The following L3MBTL4 variants were observed in gnomAD, a reference collection of about 807,000 sequenced individuals.
L3MBTL4 encodes lethal(3)malignant brain tumor-like protein 4.
A neutral mutation model predicts 84.5 loss-of-function variants in L3MBTL4; 70 were observed. That is an observed-to-expected ratio of 0.83 (90% CI 0.68 to 1.01). The LOEUF (loss-of-function observed/expected upper bound fraction) is 1.01, where lower values mean the gene tolerates loss of function less well. Ranked by LOEUF, L3MBTL4 falls within the 50% of genes least tolerant of loss-of-function variation. The pLI, the probability that L3MBTL4 is intolerant of heterozygous loss-of-function variation, is 0.00. For synonymous variants in L3MBTL4, 274 were observed against 259.8 expected (o/e 1.05, Z -0.52); for missense variants, 715 against 754.8 (o/e 0.95, Z 0.62).
chr18:6,283,274 C>T (rs1185725193), intron 4 of L3MBTL4, among the ~76,000 whole-genome samples: 1 of 152,200 alleles, frequency 6.6e-6, no homozygotes, highest in African/African-American at 2.4e-5. Context: ...TCTATTTTCA[C>T]TTAAAGTGCT....
intron 1 of L3MBTL4, among the ~76,000 whole-genome samples, chr18:6,316,608 C>T (rs539101383): frequency 2.0e-5 from 3 of 152,280 alleles, no homozygotes; most frequent in Admixed American, 6.5e-5. Flanking sequence ...AGCATCCTCA[C>T]ATTAGGAGTG....
chr18:6,371,186 C>A (rs944603642), intron 1 of L3MBTL4, among the ~76,000 whole-genome samples: 6 of 152,182 alleles, frequency 3.9e-5, no homozygotes, highest in Non-Finnish European at 8.8e-5. Context: ...TGGCTGCGTG[C>A]CAGTAAAAAT....
chr18:6,264,594 G>T (rs2048547545), intron 4 of L3MBTL4, among the ~76,000 whole-genome samples: 2 of 152,148 alleles, frequency 1.3e-5, no homozygotes, highest in South Asian at 4.1e-4. Context: ...GACCCGCCTG[G>T]CCAATATGGT....
chr18:6,021,911 G>A (rs1251047814), intron 16 of L3MBTL4, among the ~76,000 whole-genome samples: 4 of 152,100 alleles, frequency 2.6e-5, no homozygotes, highest in Non-Finnish European at 5.9e-5. Context: ...ACAAAGATGT[G>A]CTGAGCGCTG....
At chr18:6,093,299 C>A in intron 15 of L3MBTL4, 56 bp downstream of exon 15, 7 of 1,338,722 alleles carry the variant, frequency 5.2e-6, no homozygotes, top group Non-Finnish European at 7.0e-6. Context: ...CAAAATTGTT[C>A]TTTTACTATT....
At chr18:6,311,892 T>C (rs2050852936) in intron 2 of L3MBTL4, 106 bp downstream of exon 2, 1 of 335,508 alleles carries the variant, frequency 3.0e-6, no homozygotes, top group Non-Finnish European at 5.6e-6. Flanking sequence ...GGAAAATAGA[T>C]ATTATTGCTT....
At chr18:6,226,044 A>G (rs1034253098) in intron 10 of L3MBTL4, among the ~76,000 whole-genome samples, 2 of 152,244 alleles carry the variant, frequency 1.3e-5, no homozygotes, top group Non-Finnish European at 1.5e-5. Context: ...ATACAAAGAC[A>G]TAAAAAGTGC....
At chr18:6,127,980 T>C (rs936410173) in intron 14 of L3MBTL4, among the ~76,000 whole-genome samples, 7 of 133,482 alleles carry the variant, frequency 5.2e-5, no homozygotes, top group Non-Finnish European at 1.1e-4. Context: ...TTTAGTATAA[T>C]GGGAAGAAGC....
rs540967697 is a variant in L3MBTL4, at chr18:6,046,952, A to G, written c.1444+33929T>C. ...GACCCAAACATACATACAAAGAATC[A>G]ACAAACCAAAAGTTAGTTATTTGAA... On this transcript the variant is annotated intron_variant, in intron 16 of 18. Transcript: ENST00000317931. Among the ~76,000 whole-genome samples, 3 of 152,304 alleles carry G rather than the reference A, an allele frequency of 2.0e-5. No individual in the cohort carries two copies. In the East Asian group the frequency reaches 5.8e-4, roughly 29 times the overall value.
At chr18:5,993,401 T>C (rs1280709365) in intron 16 of L3MBTL4, among the ~76,000 whole-genome samples, 1 of 152,168 alleles carries the variant, frequency 6.6e-6, no homozygotes, top group African/African-American at 2.4e-5. Flanking sequence ...TCTCTGCAAA[T>C]TAAACCAAGA....
At chr18:6,232,902 A>T (rs1442767846) in intron 10 of L3MBTL4, among the ~76,000 whole-genome samples, 1 of 151,962 alleles carries the variant, frequency 6.6e-6, no homozygotes, top group African/African-American at 2.4e-5. Context: ...CCTCCCGATC[A>T]TTATTTATAA....
At chr18:6,345,215 CAAAAAA>C (rs35502624) in intron 1 of L3MBTL4, among the ~76,000 whole-genome samples, 6 of 38,496 alleles carry the variant, frequency 1.6e-4, no homozygotes, top group East Asian at 7.1e-4. Flanking sequence ...TACTAAAATA[CAAAAAA>C]AAAAAAAAAA....
At chr18:6,295,342 C>A (rs867731339) in intron 4 of L3MBTL4, among the ~76,000 whole-genome samples, 1,437 of 116,228 alleles carry the variant, frequency 0.012, 9 homozygotes, top group Non-Finnish European at 0.013. Flanking sequence ...CTCTCTCTCT[C>A]TCTCTATATA....
intron 16 of L3MBTL4, among the ~76,000 whole-genome samples, chr18:6,022,193 C>A (rs1429135931): frequency 6.6e-6 from 1 of 152,172 alleles, no homozygotes; most frequent in Non-Finnish European, 1.5e-5. Flanking sequence ...CCATATTCAC[C>A]ATATGCTCAG....
intron 1 of L3MBTL4, among the ~76,000 whole-genome samples, chr18:6,363,606 A>C (rs1344005572): frequency 6.6e-6 from 1 of 152,196 alleles, no homozygotes; most frequent in African/African-American, 2.4e-5. Flanking sequence ...AAACTTTCAA[A>C]TACTTCATAT....
At chr18:6,049,596 T>C (rs920494032) in intron 16 of L3MBTL4, among the ~76,000 whole-genome samples, 3 of 152,224 alleles carry the variant, frequency 2.0e-5, no homozygotes, top group Admixed American at 6.5e-5. Context: ...GCCATTATCT[T>C]AAGTGAATTA....
At chr18:6,092,105 T>C (rs952552238) in intron 15 of L3MBTL4, among the ~76,000 whole-genome samples, 1 of 152,050 alleles carries the variant, frequency 6.6e-6, no homozygotes, top group Admixed American at 6.5e-5. Flanking sequence ...GCTATAAAAA[T>C]AGAGAAGCAT....
intron 5 of L3MBTL4, among the ~76,000 whole-genome samples, chr18:6,246,266 CAA>C (rs2047661221): frequency 2.0e-5 from 3 of 152,122 alleles, no homozygotes; most frequent in Admixed American, 2.0e-4. Context: ...TTTTATCTGT[CAA>C]AAGTGTTTTT....
chr18:6,118,563 C>A (rs941935585), intron 14 of L3MBTL4, among the ~76,000 whole-genome samples: 1 of 152,098 alleles, frequency 6.6e-6, no homozygotes, highest in African/African-American at 2.4e-5. Flanking sequence ...AGAAAAAAAA[C>A]TCAGAGAAAA....
Sources: allele counts gnomAD v4.1 joint callset (sites outside exome capture counted in the v4.1 genomes callset), GRCh38; gene constraint gnomAD v4.1.1; transcripts MANE v1.5; gene names NCBI Gene and HGNC (gene_info 2026-07-23, HGNC 2026-07-21).